The following NBR1 variants were observed in gnomAD, a reference collection of about 807,000 sequenced individuals.
The protein encoded by NBR1 is next to BRCA1 gene 1 protein.
A neutral mutation model predicts 115.5 loss-of-function variants in NBR1; 59 were observed. The ratio of observed to expected loss-of-function variants is 0.51; its 90% CI spans 0.41 to 0.63. NBR1 has a LOEUF of 0.63. Ranked by LOEUF, NBR1 falls within the 30% of genes least tolerant of loss-of-function variation. The pLI, the probability that NBR1 is intolerant of heterozygous loss-of-function variation, is 0.00. For synonymous variants in NBR1, 373 were observed against 414.7 expected, an observed-to-expected ratio of 0.90 and a Z score of 1.22; for missense variants, 1,043 against 1,150.5, an observed-to-expected ratio of 0.91 and a Z score of 1.35.
intron 20 of NBR1, among the ~76,000 whole-genome samples, chr17:43,205,869 C>A: frequency 8.3e-6 from 1 of 120,290 alleles, no homozygotes; most frequent in Non-Finnish European, 1.7e-5. Flanking sequence ...CAGAGTGAGA[C>A]CATGTCTCAA....
At chr17:43,208,096 G>A (rs550048305) in intron 20 of NBR1, among the ~76,000 whole-genome samples, 6 of 152,220 alleles carry the variant, frequency 3.9e-5, no homozygotes, top group Admixed American at 2.0e-4. Context: ...TAATAAGGGG[G>A]ACATGGTCAA....
chr17:43,209,003 C>T (rs1247078869), intron 20 of NBR1, among the ~76,000 whole-genome samples: 5 of 151,780 alleles, frequency 3.3e-5, no homozygotes, highest in South Asian at 4.2e-4. Context: ...ACAAAACAAG[C>T]GTTTAAGGAT....
chr17:43,200,078 C>T (rs2057160489), intron 16 of NBR1, 89 bp from the exon 17 acceptor site: 1 of 1,064,880 alleles, frequency 9.4e-7, no homozygotes, highest in African/African-American at 1.6e-5. Context: ...ATAATTCTAG[C>T]TTATGATCCA....
In NBR1 at chr17:43,189,648, C is replaced by T. The variant is rs199772530; in HGVS notation, c.541C>T (p.Leu181Phe). Residue 181 changes from leucine to phenylalanine, a missense_variant, in exon 8 of 21, where the codon CTT becomes TTT. By Grantham distance (22) the Leu-to-Phe change is conservative (BLOSUM62 0). Transcript: ENST00000590996. ...EKLEQKLHEK[L>F]VLQNPSLGSC... ...GCTTGAACAGAAATTACATGAAAAG[C>T]TTGTCCTCCAGAACCCATCCTTGGG... The T allele has an allele frequency of 3.7e-6, 6 of 1,613,958 alleles. No individual in the cohort carries two copies. The East Asian group carries it at 6.7e-5, about 18-fold the overall frequency.
intron 16 of NBR1, among the ~76,000 whole-genome samples, chr17:43,199,870 A>G (rs2057155896): frequency 6.6e-6 from 1 of 152,200 alleles, no homozygotes; most frequent in African/African-American, 2.4e-5. Flanking sequence ...TATATTAACC[A>G]TCACATAAAA....
At chr17:43,179,520 C>T in intron 4 of NBR1, 108 bp downstream of exon 4, 3 of 1,056,606 alleles carry the variant, frequency 2.8e-6, no homozygotes, top group Admixed American at 4.0e-5. Flanking sequence ...TTTAGAGTGA[C>T]ATTGCACTGA....
intron 8 of NBR1, 81 bp from the exon 9 acceptor site, chr17:43,190,526 AAC>A (rs1425406988): frequency 9.6e-6 from 14 of 1,464,786 alleles, no homozygotes; most frequent in African/African-American, 1.4e-5. Flanking sequence ...TACTGGAGCA[AAC>A]ATAGAAGTAT....
At chr17:43,197,948 T>C (rs2057106802) in intron 16 of NBR1, among the ~76,000 whole-genome samples, 1 of 151,894 alleles carries the variant, frequency 6.6e-6, no homozygotes, top group African/African-American at 2.4e-5. Flanking sequence ...GGTTGGGAGT[T>C]CGAGACCAGC....
At position 43,177,927 on chromosome 17, in the gene NBR1, CT is replaced by C; in HGVS notation, c.103-5del. On this transcript the variant is annotated splice_polypyrimidine_tract_variant and splice_region_variant and intron_variant, in intron 2 of 20. Transcript: ENST00000590996. Reference sequence around the variant, plus strand: ...ATAACCTGCCTTTAAATATGTATCTCTTTTATAGGTAAAAGTTTCATTTGAT... The same window carrying C: ...ATAACCTGCCTTTAAATATGTATCTCTTTATAGGTAAAAGTTTCATTTGAT... The C allele has an allele frequency of 6.6e-7, 1 of 1,518,770 alleles. No homozygotes were observed. The highest frequency in any genetic ancestry group is 9.0e-7 in the Non-Finnish European group (1 of 1,115,256). 94.1% of individuals were successfully genotyped at this position (1,518,770 alleles called of 1,614,324 possible).
Position 43,199,558 on chromosome 17 carries a change from G to A in NBR1, c.2027-609G>A, listed in dbSNP as rs192759397. On this transcript the variant is annotated intron_variant, in intron 16 of 20. Coordinates refer to ENST00000590996, the MANE Select transcript of NBR1 (RefSeq NM_005899.5). ...CCCGGGTAATTTTTTTGTATTTTTAGTAGAGATGGGGTTTCACCGTGTTAG... is the reference window on the plus strand; with the variant it reads ...CCCGGGTAATTTTTTTGTATTTTTAATAGAGATGGGGTTTCACCGTGTTAG... 6.4e-3 allele frequency among the ~76,000 whole-genome samples: 976 copies of A among 152,004 alleles called. 15 individuals are homozygous for A. The highest frequency in any genetic ancestry group is 0.022 in the African/African-American group (911 of 41,454).
intron 5 of NBR1, among the ~76,000 whole-genome samples, chr17:43,182,055 A>G (rs1016022894): frequency 4.6e-5 from 7 of 150,644 alleles, no homozygotes; most frequent in African/African-American, 1.7e-4. Flanking sequence ...GGGTCTTGCT[A>G]TGTTACCCAG....
At position 43,201,700 on chromosome 17, in the gene NBR1, T is replaced by C; in HGVS notation, c.2483T>C (p.Val828Ala). 6.2e-7 allele frequency: 1 copy of C among 1,602,100 alleles called. No homozygotes were observed. The highest frequency in any genetic ancestry group is 8.6e-7 in the Non-Finnish European group (1 of 1,169,056). The change falls in exon 18 of 21, where the codon GTA (valine) becomes GCA (alanine). Residue 828 changes from valine to alanine, a missense_variant. By Grantham distance (64) the Val-to-Ala change is moderately conservative (BLOSUM62 0). Transcript: ENST00000590996. ...CTTTCTGAAAGGAGCTCTCCTTGTG[T>C]ACATCATCATGGTTCCCCAGGAGTG... ...PPSLPRSSPC[V>A]HHHGSPGVDL...
chr17:43,182,283 T>G (rs1201989175), intron 5 of NBR1, among the ~76,000 whole-genome samples: 1 of 133,084 alleles, frequency 7.5e-6, no homozygotes, highest in Non-Finnish European at 1.6e-5. Context: ...GGTGGCGCAA[T>G]CTTGGCTCAC....
intron 6 of NBR1, among the ~76,000 whole-genome samples, chr17:43,186,829 T>C (rs2056815053): frequency 6.6e-6 from 1 of 152,204 alleles, no homozygotes. Flanking sequence ...TTCATCCATG[T>C]CCCTGCAAAA....
At chr17:43,194,626 A>T (rs2057025161) in intron 13 of NBR1, 127 bp downstream of exon 13, 1 of 1,078,540 alleles carries the variant, frequency 9.3e-7, no homozygotes, top group Non-Finnish European at 1.4e-6. Context: ...AGGTATATTT[A>T]ATGGGAAGGA....
rs1438004857 is a variant in NBR1 at position 43,211,283 on chromosome 17, A to G, written c.*1209A>G. On this transcript the variant is annotated 3_prime_UTR_variant, in exon 21 of 21. Coordinates refer to ENST00000590996, the MANE Select transcript of NBR1 (RefSeq NM_005899.5). ...ACAAAAAATGCTAAATATTTTATCCATGAAAATGACTTCCAGAAAAGGAAG... is the reference window on the plus strand; with the variant it reads ...ACAAAAAATGCTAAATATTTTATCCGTGAAAATGACTTCCAGAAAAGGAAG... 6.5e-6 allele frequency: 1 copy of G among 152,738 alleles called. No homozygotes were observed. The highest frequency in any genetic ancestry group is 1.5e-5 in the Non-Finnish European group (1 of 68,086). 9.5% of individuals were successfully genotyped at this position (152,738 alleles called of 1,614,324 possible).
chr17:43,190,721 T>A lies in NBR1; in HGVS notation c.808T>A (p.Phe270Ile). 4 of 1,613,892 alleles carry A rather than the reference T, an allele frequency of 2.5e-6. No homozygotes were observed. Among genetic ancestry groups the A allele is most frequent in the Non-Finnish European group, 3.4e-6 (4 of 1,179,822 alleles). The stretch of plus-strand genomic sequence containing the variant: ...ACCTGTTGTGGGCTCCTCTGAACCG[T>A]TCTGTCACTCAAAGTACTCTACTCC... The part of the protein sequence containing the change: ...RRPVVGSSEP[F>I]CHSKYSTPRL... Residue 270 changes from phenylalanine (F) to isoleucine (I), a missense_variant, in exon 9 of 21, where the codon TTC becomes ATC. By Grantham distance (21) the Phe-to-Ile change is conservative. Transcript: ENST00000590996.
At position 43,189,962 on chromosome 17, in the gene NBR1, T is replaced by C. The variant is rs1442685099; in HGVS notation, c.695+160T>C. On this transcript the variant is annotated intron_variant, in intron 8 of 20. Coordinates refer to ENST00000590996, the MANE Select transcript of NBR1 (RefSeq NM_005899.5). Reference sequence around the variant, plus strand: ...CACAAGCTACTCTTCACCCACATGCTTTGTATGTTGTAACTATTCAGATTG... The same window carrying C: ...CACAAGCTACTCTTCACCCACATGCCTTGTATGTTGTAACTATTCAGATTG... 4 of 651,640 alleles carry C rather than the reference T, an allele frequency of 6.1e-6. No individual in the cohort carries two copies. In the African/African-American group the frequency reaches 7.2e-5, roughly 12 times the overall value. The allele number at this position is 651,640 out of a possible 1,614,324, so 40.4% of individuals were successfully genotyped here.
In NBR1 at chr17:43,210,334, T is replaced by C. The variant is rs1838498938; in HGVS notation, c.*260T>C. On this transcript the variant is annotated 3_prime_UTR_variant, in exon 21 of 21. Coordinates refer to ENST00000590996, the MANE Select transcript of NBR1 (RefSeq NM_005899.5). ...TTTGGATAAAACTATTTTAGTGCATTGACAAGTGTAACTTCAACTTCATAT... is the reference window on the plus strand; with the variant it reads ...TTTGGATAAAACTATTTTAGTGCATCGACAAGTGTAACTTCAACTTCATAT... 7.6e-6 allele frequency: 3 copies of C among 393,242 alleles called. No individual in the cohort carries two copies. The highest frequency in any genetic ancestry group is 8.8e-5 in the Admixed American group (2 of 22,636). 24.4% of individuals were successfully genotyped at this position (393,242 alleles called of 1,614,324 possible). A position where few individuals can be genotyped will look rare whatever the true frequency, so the allele number is the denominator to read the frequency against.
Sources: allele counts gnomAD v4.1 joint callset (sites outside exome capture counted in the v4.1 genomes callset), GRCh38; gene constraint gnomAD v4.1.1; transcripts MANE v1.5; gene names NCBI Gene and HGNC (gene_info 2026-07-23, HGNC 2026-07-21).